The following ZNF516 variants were observed in gnomAD, a reference collection of about 807,000 sequenced individuals.
ZNF516 encodes zinc finger protein 516.
In ZNF516, 19 loss-of-function variants were observed where a neutral mutation model predicts 79.7. The ratio of observed to expected loss-of-function variants is 0.24; its 90% confidence interval spans 0.17 to 0.35. The LOEUF (loss-of-function observed/expected upper bound fraction) is 0.35, where lower values mean the gene tolerates loss of function less well. ZNF516 is among the 10% of genes least tolerant of loss of function. The pLI is 1.00. For missense variants in ZNF516, 1,678 were observed against 1,679.5 expected (o/e 1.00, Z 0.02); for synonymous variants, 877 against 739.5 (o/e 1.19, Z -3.02).
chr18:76,472,061 A>G (rs690036), intron 1 of ZNF516, among the ~76,000 whole-genome samples: 64,745 of 152,012 alleles, frequency 0.43, 14,773 homozygotes, highest in African/African-American at 0.6. Context: ...TCTCAGTCAC[A>G]AATCTAGCCC....
intron 3 of ZNF516, among the ~76,000 whole-genome samples, chr18:76,431,398 G>A (rs1361928468): frequency 6.6e-6 from 1 of 152,226 alleles, no homozygotes; most frequent in East Asian, 1.9e-4. Flanking sequence ...GCAAGCCACA[G>A]ATTCCTTTAA....
chr18:76,382,972 G>A (rs2074917665), intron 3 of ZNF516, among the ~76,000 whole-genome samples: 1 of 149,234 alleles, frequency 6.7e-6, no homozygotes, highest in Non-Finnish European at 1.5e-5. Context: ...GGAGGGGGAG[G>A]CTGCAGTGAG....
At position 76,379,102 on chromosome 18, in the gene ZNF516, C is replaced by T. The variant is rs773163957; in HGVS notation, c.3012G>A (p.Ser1004=). The T allele has an allele frequency of 5.0e-6, 8 of 1,611,486 alleles. No individual in the cohort carries two copies. The highest frequency in any genetic ancestry group is 1.3e-5 in the African/African-American group (1 of 75,010). ...GAGTCCTCAGCTCCTGGGCTGCCTT[C>T]GAGGGGGGCTCGCGGGGAGGTAGAG... The part of the protein sequence containing the change: ...APPLPPREPP[S]KAAQELRTLA... Residue 1004 remains serine, a synonymous_variant, in exon 4 of 7, where the codon TCG becomes TCA. Transcript: ENST00000443185.
At chr18:76,373,228 A>T (rs944844010) in intron 4 of ZNF516, among the ~76,000 whole-genome samples, 1 of 143,664 alleles carries the variant, frequency 7.0e-6, no homozygotes, top group Non-Finnish European at 1.5e-5. Context: ...AAAAGAGGAG[A>T]GAGGAGGGAA....
chr18:76,398,378 T>G (rs1345604433), intron 3 of ZNF516, among the ~76,000 whole-genome samples: 1 of 152,232 alleles, frequency 6.6e-6, no homozygotes, highest in South Asian at 2.1e-4. Flanking sequence ...ACTTACAAAT[T>G]TATCCAAGTT....
At position 76,357,697 on chromosome 18, in the gene ZNF516, A is replaced by G. The variant is rs990038275; in HGVS notation, c.*4801T>C. 1.3e-5 allele frequency among the ~76,000 whole-genome samples: 2 copies of G among 149,464 alleles called. No homozygotes were observed. The highest frequency in any genetic ancestry group is 2.9e-5 in the Non-Finnish European group (2 of 67,952). On this transcript the variant is annotated 3_prime_UTR_variant, in exon 7 of 7. Transcript: ENST00000443185. ...ACACATTTTATCTTTTTAAATTAGA[A>G]TCTTTATTGCATCTGATGGTCCTGT...
Position 76,379,724 on chromosome 18 carries a change from G to A in ZNF516, c.2390C>T (p.Pro797Leu), listed in dbSNP as rs1322898127. The change falls in exon 4 of 7, where the codon CCC becomes CTC. Residue 797 changes from proline (P) to leucine (L), a missense_variant. Physicochemically the swap from Pro to Leu is moderately conservative, Grantham distance 98. Coordinates refer to ENST00000443185, the MANE Select transcript of ZNF516 (RefSeq NM_014643.4). ...CNSVAPPWIQ[P>L]NGYKSIRSNL... ...GCTTCTGATGCTTTTGTAACCATTG[G>A]GCTGAATCCACGGGGGAGCCACGGA... 2 of 1,613,882 alleles carry A rather than the reference G, an allele frequency of 1.2e-6. No homozygotes were observed. The highest frequency in any genetic ancestry group is 1.7e-6 in the Non-Finnish European group (2 of 1,179,902).
intron 4 of ZNF516, among the ~76,000 whole-genome samples, chr18:76,375,810 G>C (rs1303198828): frequency 2.0e-5 from 3 of 149,354 alleles, no homozygotes; most frequent in African/African-American, 7.5e-5. Flanking sequence ...GAGGATGTAT[G>C]GGAAGGCCCC....
rs186304927 is a variant in ZNF516, at chr18:76,459,636, G to A, written c.-158+3392C>T. Among the ~76,000 whole-genome samples the A allele has an allele frequency of 9.9e-5, 15 of 152,284 alleles. No individual in the cohort carries two copies. The East Asian group carries it at 2.1e-3, about 22-fold the overall frequency. ...TAAATGTCCAGCAGCTCCACAGCCC[G>A]AGTCAGAGTGGCCCAGCCTCCCCTG... is the stretch of plus-strand genomic sequence containing the variant. On this transcript the variant is annotated intron_variant, in intron 2 of 6. Coordinates refer to ENST00000443185, the MANE Select transcript of ZNF516 (RefSeq NM_014643.4). This position sits in a 1 kb window ranked among gnomAD's most constrained non-coding sequence, Gnocchi z 5.0.
chr18:76,446,881 C>A (rs1414185215), intron 2 of ZNF516, among the ~76,000 whole-genome samples: 6 of 152,124 alleles, frequency 3.9e-5, no homozygotes, highest in Admixed American at 2.0e-4. Flanking sequence ...GGGAAAGATA[C>A]ATAAATGTAG....
In ZNF516 at chr18:76,358,638, C is replaced by G. The variant is rs1413075401; in HGVS notation, c.*3860G>C. The G allele has an allele frequency of 1.3e-5, 2 of 152,238 alleles. No homozygotes were observed. The highest frequency in any genetic ancestry group is 2.9e-5 in the Non-Finnish European group (2 of 68,038). 9.4% of individuals were successfully genotyped at this position (152,238 alleles called of 1,614,324 possible). On this transcript the variant is annotated 3_prime_UTR_variant, in exon 7 of 7. Transcript: ENST00000443185. ...AATTAGAACTCACCAAAGTTAAAAG[C>G]AGTAAAACAACATATGCTACTTAAG...
chr18:76,418,382 CTG>C (rs1451721926), intron 3 of ZNF516, among the ~76,000 whole-genome samples: 1 of 152,148 alleles, frequency 6.6e-6, no homozygotes, highest in Non-Finnish European at 1.5e-5. Flanking sequence ...CTAACACACA[CTG>C]TAACACTATA....
At chr18:76,473,610 G>T (rs940731836) in intron 1 of ZNF516, among the ~76,000 whole-genome samples, 12 of 152,114 alleles carry the variant, frequency 7.9e-5, no homozygotes, top group East Asian at 7.7e-4. Context: ...GACCATCCTA[G>T]CTAACACGGT....
intron 2 of ZNF516, among the ~76,000 whole-genome samples, chr18:76,460,121 T>C (rs1913007137): frequency 6.6e-6 from 1 of 152,170 alleles, no homozygotes; most frequent in South Asian, 2.1e-4. Context: ...GGGGCGACAC[T>C]CACCCGAAGG....
intron 1 of ZNF516, chr18:76,492,534 G>T (rs1915293109): frequency 8.8e-6 from 3 of 339,804 alleles, no homozygotes; most frequent in African/African-American, 2.2e-5. Context: ...ATGTGAAGTT[G>T]GAAGACACAT....
At chr18:76,429,702 A>G (rs2075638815) in intron 3 of ZNF516, among the ~76,000 whole-genome samples, 1 of 152,194 alleles carries the variant, frequency 6.6e-6, no homozygotes, top group Non-Finnish European at 1.5e-5. Context: ...CCCCAAATCA[A>G]GACATCTTTA....
At chr18:76,475,138 G>C (rs73479088) in intron 1 of ZNF516, among the ~76,000 whole-genome samples, 1,713 of 152,290 alleles carry the variant, frequency 0.011, 43 homozygotes, top group African/African-American at 0.039. Context: ...AGAGATATTT[G>C]TAACTCATCA....
At chr18:76,364,074 G>A (rs1410525111) in intron 6 of ZNF516, among the ~76,000 whole-genome samples, 2 of 152,198 alleles carry the variant, frequency 1.3e-5, no homozygotes, top group Admixed American at 6.5e-5. Flanking sequence ...ACGGCCCTCC[G>A]TCCATGAAGG....
At chr18:76,468,813 C>G (rs887959416) in intron 1 of ZNF516, among the ~76,000 whole-genome samples, 1 of 152,174 alleles carries the variant, frequency 6.6e-6, no homozygotes, top group African/African-American at 2.4e-5. Context: ...AAAACTGTCA[C>G]TTGAGAAGAG....
Sources: allele counts gnomAD v4.1 joint callset (sites outside exome capture counted in the v4.1 genomes callset), GRCh38; gene constraint gnomAD v4.1.1; non-coding constraint Gnocchi (gnomAD v3.1); transcripts MANE v1.5; gene names NCBI Gene and HGNC (gene_info 2026-07-23, HGNC 2026-07-21).